The following KCNIP4 variants were observed in gnomAD, a reference collection of about 807,000 sequenced individuals.
The protein encoded by KCNIP4 is Kv channel-interacting protein 4.
KCNIP4 carries 12 observed loss-of-function variants against 34.0 expected under a neutral mutation model. The ratio of observed to expected loss-of-function variants is 0.35; its 90% confidence interval spans 0.23 to 0.57. KCNIP4 has a LOEUF of 0.57. KCNIP4 is among the 20% of genes least tolerant of loss of function. The probability of loss-of-function intolerance (pLI) is 0.83; values close to 1 mark genes in which losing one functional copy is unlikely to be tolerated. For synonymous variants in KCNIP4, 124 were observed against 102.2 expected (o/e 1.21, Z -1.29); for missense variants, 238 against 311.7 (o/e 0.76, Z 1.78).
At chr4:20,867,462 G>A (rs1460371296) in intron 2 of KCNIP4, among the ~76,000 whole-genome samples, 1 of 152,002 alleles carries the variant, frequency 6.6e-6, no homozygotes, top group African/African-American at 2.4e-5. Context: ...TGGGATAACT[G>A]GCTAACTATA....
chr4:21,762,941 C>T, intron 1 of KCNIP4: 1 of 1,288,678 alleles, frequency 7.8e-7, no homozygotes, highest in Non-Finnish European at 1.0e-6. Flanking sequence ...GACAGGTGCT[C>T]CCACTTCCGA....
intron 1 of KCNIP4, among the ~76,000 whole-genome samples, chr4:21,534,271 A>C (rs1736970342): frequency 6.6e-6 from 1 of 152,182 alleles, no homozygotes; most frequent in African/African-American, 2.4e-5. Context: ...GGGGAGATCG[A>C]TGTTGTCTTT....
chr4:21,039,733 TG>T lies in KCNIP4; in HGVS notation c.62-157025del, dbSNP rs1352737391. Among the ~76,000 whole-genome samples the T allele has an allele frequency of 4.6e-5, 7 of 152,300 alleles. No individual in the cohort carries two copies. In the East Asian group the frequency reaches 1.2e-3, roughly 25 times the overall value. On this transcript the variant is annotated intron_variant, in intron 1 of 8. Coordinates refer to ENST00000382152, the MANE Select transcript of KCNIP4 (RefSeq NM_025221.6). ...ATATGAGCTCCTGGGAGTGATCTTT[TG>T]TTTTTTATTCTTCTTTATATTTCTA...
At chr4:20,945,397 C>T (rs963338190) in intron 1 of KCNIP4, among the ~76,000 whole-genome samples, 1 of 152,154 alleles carries the variant, frequency 6.6e-6, no homozygotes, top group Admixed American at 6.5e-5. Context: ...ACATTTAGCC[C>T]TATCTTGAAA....
intron 1 of KCNIP4, among the ~76,000 whole-genome samples, chr4:21,014,897 G>A (rs1389018969): frequency 6.6e-6 from 1 of 152,006 alleles, no homozygotes; most frequent in African/African-American, 2.4e-5. Context: ...AACAAAATAT[G>A]GCATAATATA....
At chr4:21,651,334 G>A (rs1039665104) in intron 1 of KCNIP4, among the ~76,000 whole-genome samples, 1 of 152,186 alleles carries the variant, frequency 6.6e-6, no homozygotes, top group Non-Finnish European at 1.5e-5. Flanking sequence ...GGACAGAGAA[G>A]GCAAGGAGAG....
At chr4:21,132,240 C>T (rs779225084) in intron 1 of KCNIP4, among the ~76,000 whole-genome samples, 7 of 152,186 alleles carry the variant, frequency 4.6e-5, no homozygotes, top group Non-Finnish European at 1.0e-4. Flanking sequence ...TTCTGTTTAA[C>T]TTGTTCTTCT....
intron 1 of KCNIP4, among the ~76,000 whole-genome samples, chr4:21,201,706 G>A (rs1287575421): frequency 6.6e-6 from 1 of 152,120 alleles, no homozygotes. Flanking sequence ...CACCATGTTA[G>A]CCAGGAAGGT....
intron 1 of KCNIP4, among the ~76,000 whole-genome samples, chr4:21,513,078 T>G (rs1734466864): frequency 6.6e-6 from 1 of 152,194 alleles, no homozygotes; most frequent in African/African-American, 2.4e-5. Flanking sequence ...CCACCTCCAC[T>G]CACCTGATAC....
At chr4:21,617,537 A>G (rs1744690573) in intron 1 of KCNIP4, among the ~76,000 whole-genome samples, 1 of 152,270 alleles carries the variant, frequency 6.6e-6, no homozygotes, top group South Asian at 2.1e-4. Flanking sequence ...TAAGTAATAA[A>G]TCATAAATGA....
chr4:20,795,122 C>A (rs553146249), intron 3 of KCNIP4, among the ~76,000 whole-genome samples: 11 of 152,192 alleles, frequency 7.2e-5, no homozygotes, highest in African/African-American at 1.9e-4. Flanking sequence ...AAAACAATTT[C>A]TTTCATAACT....
At chr4:21,571,472 G>A (rs1041935085) in intron 1 of KCNIP4, among the ~76,000 whole-genome samples, 2 of 152,140 alleles carry the variant, frequency 1.3e-5, no homozygotes, top group Non-Finnish European at 2.9e-5. Context: ...TAAGAGTTTG[G>A]CTCCTTATCT....
intron 1 of KCNIP4, among the ~76,000 whole-genome samples, chr4:21,369,382 G>A (rs965896358): frequency 4.8e-5 from 7 of 147,188 alleles, no homozygotes; most frequent in African/African-American, 1.4e-4. Flanking sequence ...ACACAAGTGT[G>A]ATAAATGTGG....
At chr4:20,996,344 G>A (rs1041660325) in intron 1 of KCNIP4, among the ~76,000 whole-genome samples, 6 of 152,136 alleles carry the variant, frequency 3.9e-5, no homozygotes, top group African/African-American at 1.4e-4. Context: ...TCCCTCAATA[G>A]CTGTCCATTA....
chr4:20,987,651 A>G (rs1042470257), intron 1 of KCNIP4, among the ~76,000 whole-genome samples: 1 of 152,180 alleles, frequency 6.6e-6, no homozygotes, highest in African/African-American at 2.4e-5. Flanking sequence ...CTCCAAAAAT[A>G]GTAGCTACCA....
At chr4:21,389,541 G>A (rs1298670170) in intron 1 of KCNIP4, among the ~76,000 whole-genome samples, 1 of 144,352 alleles carries the variant, frequency 6.9e-6, no homozygotes, top group Non-Finnish European at 1.5e-5. Context: ...CTATGAGTGA[G>A]AACATGCGGT....
intron 3 of KCNIP4, among the ~76,000 whole-genome samples, chr4:20,765,697 TGATGACC>T (rs1458368905): frequency 6.6e-6 from 1 of 152,204 alleles, no homozygotes; most frequent in African/African-American, 2.4e-5. Context: ...TACTTATCTA[TGATGACC>T]ATTGCATTTC....
At chr4:21,615,133 A>G (rs1380591239) in intron 1 of KCNIP4, among the ~76,000 whole-genome samples, 6 of 152,214 alleles carry the variant, frequency 3.9e-5, no homozygotes, top group Middle Eastern at 3.2e-3. Context: ...GAGAGAAAAG[A>G]GTGAAAGTAG....
intron 1 of KCNIP4, among the ~76,000 whole-genome samples, chr4:21,335,188 C>G (rs1400213171): frequency 6.6e-6 from 1 of 151,952 alleles, no homozygotes; most frequent in South Asian, 2.1e-4. Flanking sequence ...TGTCTCTGCC[C>G]TTTTTCCCCT....
Sources: allele counts gnomAD v4.1 joint callset (sites outside exome capture counted in the v4.1 genomes callset), GRCh38; gene constraint gnomAD v4.1.1; transcripts MANE v1.5; gene names NCBI Gene and HGNC (gene_info 2026-07-23, HGNC 2026-07-21).